The following GAB2 variants were observed in gnomAD, a reference collection of about 807,000 sequenced individuals.
The protein encoded by GAB2 is GRB2 associated binding protein 2, also known as GRB2-associated-binding protein 2.
In GAB2, 26 loss-of-function variants were observed where a neutral mutation model predicts 65.5. That is an observed-to-expected ratio of 0.40 (90% confidence interval 0.29 to 0.55). GAB2 has a LOEUF of 0.55. Ranked by LOEUF, GAB2 falls within the 20% of genes least tolerant of loss-of-function variation. The pLI is 0.53. For synonymous variants in GAB2, 321 were observed against 329.6 expected, an observed-to-expected ratio of 0.97 and a Z score of 0.28; for missense variants, 884 against 875.8, an observed-to-expected ratio of 1.01 and a Z score of -0.12.
chr11:78,359,031 T>C (rs970543914), intron 1 of GAB2, among the ~76,000 whole-genome samples: 2 of 152,074 alleles, frequency 1.3e-5, no homozygotes, highest in Non-Finnish European at 2.9e-5. Context: ...GGAAGAGCAA[T>C]CCAAAGAAAT....
intron 1 of GAB2, among the ~76,000 whole-genome samples, chr11:78,376,179 T>C (rs1856629181): frequency 6.6e-6 from 1 of 152,228 alleles, no homozygotes; most frequent in African/African-American, 2.4e-5. Context: ...TTGCCTTAGA[T>C]TGTAGTCAGC....
At chr11:78,256,976 A>G (rs2134537372) in intron 2 of GAB2, among the ~76,000 whole-genome samples, 1 of 152,154 alleles carries the variant, frequency 6.6e-6, no homozygotes, top group African/African-American at 2.4e-5. Flanking sequence ...TAATGCCCAC[A>G]AATGCCTGAG....
At chr11:78,334,396 T>C (rs2134681920) in intron 1 of GAB2, among the ~76,000 whole-genome samples, 1 of 152,306 alleles carries the variant, frequency 6.6e-6, no homozygotes, top group Non-Finnish European at 1.5e-5. Context: ...CCACCTCTCT[T>C]ACCACCCCTC....
At chr11:78,297,042 AACATAC>A (rs1866849648) in intron 1 of GAB2, among the ~76,000 whole-genome samples, 6 of 152,232 alleles carry the variant, frequency 3.9e-5, no homozygotes, top group East Asian at 1.9e-4. Context: ...ATAAGATTTC[AACATAC>A]ACGTTTTGGA....
At chr11:78,275,673 C>G (rs866134448) in intron 2 of GAB2, among the ~76,000 whole-genome samples, 4 of 152,118 alleles carry the variant, frequency 2.6e-5, no homozygotes, top group African/African-American at 7.2e-5. Flanking sequence ...ATAATTAGAA[C>G]ACTAGACATC....
intron 2 of GAB2, among the ~76,000 whole-genome samples, chr11:78,275,582 T>C (rs377715529): frequency 5.3e-5 from 8 of 152,336 alleles, no homozygotes; most frequent in East Asian, 3.9e-4. Flanking sequence ...TCCTCTGAGA[T>C]AGAAGAAAAG....
At chr11:78,246,019 T>A (rs548011210) in intron 3 of GAB2, among the ~76,000 whole-genome samples, 2 of 150,844 alleles carry the variant, frequency 1.3e-5, no homozygotes, top group South Asian at 2.1e-4. Flanking sequence ...AACCTCCGCC[T>A]CCAGGGTTCA....
At chr11:78,373,753 T>C (rs186639382) in intron 1 of GAB2, among the ~76,000 whole-genome samples, 143 of 152,314 alleles carry the variant, frequency 9.4e-4, no homozygotes, top group African/African-American at 2.9e-3. Flanking sequence ...TTGACCCAAC[T>C]TTCTTGGTTC....
At chr11:78,395,938 C>G (rs1856889960) in intron 1 of GAB2, among the ~76,000 whole-genome samples, 1 of 152,148 alleles carries the variant, frequency 6.6e-6, no homozygotes, top group South Asian at 2.1e-4. Context: ...ATCTGCAAAG[C>G]CAGTACACAT....
intron 2 of GAB2, among the ~76,000 whole-genome samples, chr11:78,279,597 C>T (rs114583902): frequency 2.9e-3 from 438 of 152,238 alleles, no homozygotes; most frequent in African/African-American, 1.0e-2. Context: ...AAACCCCATA[C>T]TCATAAGCAG....
intron 6 of GAB2, 29 bp from the exon 7 acceptor site, chr11:78,222,224 C>T (rs1259266599): frequency 6.9e-7 from 1 of 1,457,610 alleles, no homozygotes; most frequent in South Asian, 1.1e-5. Flanking sequence ...GTCTGGTAAT[C>T]AGCCAGTAAT....
chr11:78,220,341 C>G lies in GAB2; in HGVS notation c.1865G>C (p.Ser622Thr). The change falls in exon 9 of 10, where the codon AGC (serine) becomes ACC (threonine). Residue 622 changes from serine to threonine, a missense_variant. Coordinates refer to ENST00000361507, the MANE Select transcript of GAB2 (RefSeq NM_080491.3). ...VDYLALDFQP[S>T]SPSPHRKPST... ...CACCTTGCGGTGGGGGCTTGGGGAGCTCGGCTGGAAGTCCAGGGCCAGATA... is the reference window on the plus strand; with the variant it reads ...CACCTTGCGGTGGGGGCTTGGGGAGGTCGGCTGGAAGTCCAGGGCCAGATA... 4 of 1,612,676 alleles carry G rather than the reference C, an allele frequency of 2.5e-6. No individual in the cohort carries two copies. Among genetic ancestry groups the G allele is most frequent in the Non-Finnish European group, 3.4e-6 (4 of 1,179,670 alleles).
At chr11:78,332,445 G>A (rs1183738160) in intron 1 of GAB2, among the ~76,000 whole-genome samples, 1 of 152,160 alleles carries the variant, frequency 6.6e-6, no homozygotes, top group Non-Finnish European at 1.5e-5. Flanking sequence ...AGTCCTCACT[G>A]TGTCTGAGCT....
chr11:78,280,744 T>G lies in GAB2; in HGVS notation c.233A>C (p.Lys78Thr). The G allele has an allele frequency of 6.2e-7, 1 of 1,614,208 alleles. No individual in the cohort carries two copies. The highest frequency in any genetic ancestry group is 8.5e-7 in the Non-Finnish European group (1 of 1,180,022). ...QVDAGLTFNK[K>T]ELQDSFVFDI... The stretch of plus-strand genomic sequence containing the variant: ...AAACACAAAACTATCCTGCAGCTCC[T>G]TCTTGTTAAAGGTCAGGCCTGCATC... The change falls in exon 2 of 10, where the codon AAG becomes ACG. Residue 78 changes from lysine to threonine, a missense_variant. Coordinates refer to ENST00000361507, the MANE Select transcript of GAB2 (RefSeq NM_080491.3).
chr11:78,374,685 T>C (rs1454120134), intron 1 of GAB2, among the ~76,000 whole-genome samples: 2 of 152,226 alleles, frequency 1.3e-5, no homozygotes, highest in East Asian at 3.8e-4. Flanking sequence ...TGGACAGAAA[T>C]TATATACATT....
intron 3 of GAB2, among the ~76,000 whole-genome samples, chr11:78,243,098 G>A (rs1040162057): frequency 2.0e-5 from 3 of 151,648 alleles, no homozygotes; most frequent in Admixed American, 1.3e-4. Context: ...GGAGGCGGAG[G>A]TTGCAGTAAG....
At chr11:78,295,236 C>G (rs1866794809) in intron 1 of GAB2, among the ~76,000 whole-genome samples, 1 of 152,170 alleles carries the variant, frequency 6.6e-6, no homozygotes, top group South Asian at 2.1e-4. Flanking sequence ...TAACCTGAGG[C>G]TGAGGCCAGA....
chr11:78,221,733 TGGA>T lies in GAB2; in HGVS notation c.1702_1704del (p.Ser568del). The stretch of plus-strand genomic sequence containing the variant: ...GAGTCTGTGCTGGTGATGCTCTGGG[TGGA>T]GATGGGGCGGCAGTACTGGGAGGAG... On this transcript the variant is annotated inframe_deletion, in exon 8 of 10. Coordinates refer to ENST00000361507, the MANE Select transcript of GAB2 (RefSeq NM_080491.3). 1 of 1,613,508 alleles carries T rather than the reference TGGA, an allele frequency of 6.2e-7. No individual in the cohort carries two copies. The highest frequency in any genetic ancestry group is 8.5e-7 in the Non-Finnish European group (1 of 1,179,694).
chr11:78,282,594 C>G (rs1051396203), intron 1 of GAB2, among the ~76,000 whole-genome samples: 1 of 152,090 alleles, frequency 6.6e-6, no homozygotes, highest in Non-Finnish European at 1.5e-5. Flanking sequence ...CAAGTGTGAG[C>G]CACTGTGTAC....
Sources: gnomAD v4.1 joint callset for allele counts (sites outside exome capture counted in the v4.1 genomes callset) on GRCh38, gnomAD v4.1.1 for gene constraint, MANE v1.5 for transcripts, NCBI Gene and HGNC (gene_info 2026-07-23, HGNC 2026-07-21) for gene names.